Variants in MSRA observed in about 807,000 individuals in gnomAD.
MSRA encodes methionine sulfoxide reductase A, also known as mitochondrial peptide methionine sulfoxide reductase.
Under a neutral mutation model 31.3 loss-of-function variants are expected in MSRA, and 54 were observed. The ratio of observed to expected loss-of-function variants is 1.73; its 90% confidence interval spans 1.39 to 2.17. MSRA has a LOEUF of 2.17. MSRA is among the 30% of genes most tolerant of loss of function. MSRA has a pLI of 0.00. For missense variants in MSRA, 507 were observed against 300.9 expected (o/e 1.69, Z -5.07); for synonymous variants, 169 against 116.5 (o/e 1.45, Z -2.90).
intron 2 of MSRA, among the ~76,000 whole-genome samples, chr8:10,215,031 G>C (rs994529655): frequency 3.3e-5 from 5 of 152,204 alleles, no homozygotes; most frequent in African/African-American, 7.2e-5. Context: ...TCACAGAGGA[G>C]GGTGGGTTCA....
chr8:10,249,156 A>G (rs1481261970), intron 3 of MSRA, among the ~76,000 whole-genome samples: 2 of 152,214 alleles, frequency 1.3e-5, no homozygotes, highest in Non-Finnish European at 2.9e-5. Context: ...GTTCTGATCC[A>G]TACTCTGTAA....
At chr8:10,313,608 G>C (rs1801556694) in intron 4 of MSRA, among the ~76,000 whole-genome samples, 1 of 152,150 alleles carries the variant, frequency 6.6e-6, no homozygotes, top group South Asian at 2.1e-4. Context: ...TATGAATTCA[G>C]TGCAAATCCA....
intron 5 of MSRA, among the ~76,000 whole-genome samples, chr8:10,351,685 C>T (rs760161928): frequency 6.6e-6 from 1 of 152,184 alleles, no homozygotes; most frequent in South Asian, 2.1e-4. Context: ...GACAGTGCCA[C>T]CTGTAAGAAG....
At chr8:10,117,838 G>A (rs1410749533) in intron 1 of MSRA, among the ~76,000 whole-genome samples, 1 of 152,156 alleles carries the variant, frequency 6.6e-6, no homozygotes, top group East Asian at 1.9e-4. Context: ...CTCATTTTCA[G>A]TCATGAATGA....
At chr8:10,294,564 C>G (rs966700036) in intron 3 of MSRA, among the ~76,000 whole-genome samples, 1 of 152,166 alleles carries the variant, frequency 6.6e-6, no homozygotes, top group Non-Finnish European at 1.5e-5. Flanking sequence ...AAACCGAGTT[C>G]TTGAGCTCTC....
intron 1 of MSRA, among the ~76,000 whole-genome samples, chr8:10,115,968 C>T (rs922128867): frequency 2.0e-5 from 3 of 152,214 alleles, no homozygotes; most frequent in Admixed American, 6.5e-5. Context: ...TTGCCGTCCC[C>T]TTCACCTCCC....
intron 1 of MSRA, among the ~76,000 whole-genome samples, chr8:10,139,568 G>T (rs1802533401): frequency 6.6e-6 from 1 of 152,066 alleles, no homozygotes; most frequent in Admixed American, 6.6e-5. Flanking sequence ...CACTCTCTAT[G>T]TCCATGTATA....
At chr8:10,186,224 C>G (rs759035442) in intron 1 of MSRA, among the ~76,000 whole-genome samples, 2 of 152,276 alleles carry the variant, frequency 1.3e-5, no homozygotes, top group Middle Eastern at 3.4e-3. Flanking sequence ...TTGCCATCCT[C>G]TTCTCATCCC....
At chr8:10,293,589 G>A (rs1800366260) in intron 3 of MSRA, among the ~76,000 whole-genome samples, 1 of 152,200 alleles carries the variant, frequency 6.6e-6, no homozygotes, top group Non-Finnish European at 1.5e-5. Context: ...TAGCACTGTG[G>A]TGACTGTTAC....
At chr8:10,422,455 G>T (rs1191510732) in intron 5 of MSRA, among the ~76,000 whole-genome samples, 1 of 152,208 alleles carries the variant, frequency 6.6e-6, no homozygotes, top group Non-Finnish European at 1.5e-5. Context: ...GGTCATTGAG[G>T]AAGAGTCTGT....
chr8:10,146,334 C>T (rs550884196), intron 1 of MSRA, among the ~76,000 whole-genome samples: 2 of 152,102 alleles, frequency 1.3e-5, no homozygotes, highest in South Asian at 4.1e-4. Context: ...GAATTTTAAA[C>T]ACAGAAATAA....
chr8:10,214,162 C>T (rs1225763800), intron 2 of MSRA, among the ~76,000 whole-genome samples: 3 of 152,052 alleles, frequency 2.0e-5, no homozygotes, highest in Non-Finnish European at 2.9e-5. Context: ...TGTTTTTTGT[C>T]GCACGGCACA....
intron 1 of MSRA, among the ~76,000 whole-genome samples, chr8:10,119,703 G>A (rs1235721319): frequency 3.3e-5 from 5 of 152,190 alleles, no homozygotes; most frequent in East Asian, 1.9e-4. Flanking sequence ...GAAGACAGTC[G>A]TAAGGGAGGA....
At chr8:10,072,285 A>G (rs1422957551) in intron 1 of MSRA, among the ~76,000 whole-genome samples, 1 of 144,122 alleles carries the variant, frequency 6.9e-6, no homozygotes, top group Non-Finnish European at 1.5e-5. Flanking sequence ...GGCTGTGCAC[A>G]CAAGACTCCC....
chr8:10,129,604 T>G (rs1228018336), intron 1 of MSRA, among the ~76,000 whole-genome samples: 2 of 152,018 alleles, frequency 1.3e-5, no homozygotes, highest in Non-Finnish European at 2.9e-5. Flanking sequence ...CATGCAGGCT[T>G]AGAGCACAGC....
chr8:10,428,558 G>A lies in MSRA; in HGVS notation c.*246G>A, dbSNP rs1809346902. 1 of 457,992 alleles carries A rather than the reference G, an allele frequency of 2.2e-6. No homozygotes were observed. Among genetic ancestry groups the A allele is most frequent in the Non-Finnish European group, 3.9e-6 (1 of 255,574 alleles). 28.4% of individuals were successfully genotyped at this position (457,992 alleles called of 1,614,324 possible). On this transcript the variant is annotated 3_prime_UTR_variant, in exon 6 of 6. Transcript: ENST00000317173. ...GTTTCCTGTGTCTTCTGGGGTCTGA[G>A]TGAAGATAGCAGGGATGCTGTGTTC... is the stretch of plus-strand genomic sequence containing the variant.
In MSRA at chr8:10,428,578, G is replaced by GT. The variant is rs1809348442; in HGVS notation, c.*267dup. The GT allele has an allele frequency of 2.4e-6, 1 of 416,142 alleles. No individual in the cohort carries two copies. The highest frequency in any genetic ancestry group is 2.1e-5 in the African/African-American group (1 of 48,544). 25.8% of individuals were successfully genotyped at this position (416,142 alleles called of 1,614,324 possible). A position where few individuals can be genotyped will look rare whatever the true frequency, so the allele number is the denominator to read the frequency against. ...TCTGAGTGAAGATAGCAGGGATGCT[G>GT]TGTTCACCCTTCTTGGTAGAAGCTA... On this transcript the variant is annotated 3_prime_UTR_variant, in exon 6 of 6. Transcript: ENST00000317173.
intron 1 of MSRA, among the ~76,000 whole-genome samples, chr8:10,102,762 A>AG (rs1051758318): frequency 6.6e-6 from 1 of 152,168 alleles, no homozygotes; most frequent in Non-Finnish European, 1.5e-5. Context: ...AGCAGGGGAA[A>AG]GGGGGGCACT....
chr8:10,328,871 T>C (rs1802530065), intron 5 of MSRA, among the ~76,000 whole-genome samples: 1 of 152,198 alleles, frequency 6.6e-6, no homozygotes, highest in South Asian at 2.1e-4. Context: ...TATACTTCTT[T>C]GTATTTCAAA....
Sources: allele counts gnomAD v4.1 joint callset (sites outside exome capture counted in the v4.1 genomes callset), GRCh38; gene constraint gnomAD v4.1.1; transcripts MANE v1.5; gene names NCBI Gene and HGNC (gene_info 2026-07-23, HGNC 2026-07-21).